The following SCML4 variants were observed in gnomAD, a reference collection of about 807,000 sequenced individuals.
SCML4 encodes the protein sex comb on midleg-like protein 4.
A neutral mutation model predicts 41.1 loss-of-function variants in SCML4; 34 were observed. The ratio of observed to expected loss-of-function variants is 0.83; its 90% CI spans 0.63 to 1.10. SCML4 has a LOEUF of 1.10. Among genes scored for constraint, SCML4 ranks in the 50% least tolerant of loss-of-function variants. The pLI, the probability that SCML4 is intolerant of heterozygous loss-of-function variation, is 0.00. For missense variants in SCML4, 522 were observed against 534.1 expected (o/e 0.98, Z 0.22); for synonymous variants, 214 against 220.9 (o/e 0.97, Z 0.28).
the SCML4 span, among the ~76,000 whole-genome samples, chr6:107,835,222 GTGGTGGC>G: frequency 6.6e-6 from 1 of 151,882 alleles, no homozygotes; most frequent in South Asian, 2.1e-4. Context: ...TTAGCTGGGA[GTGGTGGC>G]ATGTGCCTGT....
At chr6:107,713,565 T>C (rs999401755) in intron 6 of SCML4, among the ~76,000 whole-genome samples, 1 of 152,234 alleles carries the variant, frequency 6.6e-6, no homozygotes, top group Admixed American at 6.5e-5. Flanking sequence ...ATTGTCTTCA[T>C]CTATAAATTG....
At chr6:107,826,426 A>G (rs2114329349), upstream of SCML4, among the ~76,000 whole-genome samples, 1 of 152,288 alleles carries the variant, frequency 6.6e-6, no homozygotes, top group East Asian at 1.9e-4. Context: ...ATGCCACACT[A>G]CACTGAGCTT....
chr6:107,747,452 A>G (rs946983260), intron 3 of SCML4, among the ~76,000 whole-genome samples: 1 of 152,116 alleles, frequency 6.6e-6, no homozygotes, highest in African/African-American at 2.4e-5. Flanking sequence ...CCACACTTTT[A>G]AGGTAACAGA....
chr6:107,784,020 A>C (rs1781696857), intron 1 of SCML4, among the ~76,000 whole-genome samples: 1 of 152,156 alleles, frequency 6.6e-6, no homozygotes, highest in Non-Finnish European at 1.5e-5. Context: ...ACAGTGGCTG[A>C]GTGCCCAGTC....
chr6:107,752,866 T>C (rs901489499), intron 2 of SCML4, among the ~76,000 whole-genome samples: 31 of 151,916 alleles, frequency 2.0e-4, no homozygotes, highest in African/African-American at 7.2e-4. Context: ...GAGCCAATGG[T>C]GAAAATAAAG....
At chr6:107,832,271 T>C in the SCML4 span, among the ~76,000 whole-genome samples, 8 of 152,178 alleles carry the variant, frequency 5.3e-5, no homozygotes, top group East Asian at 1.3e-3. Context: ...GGGCATTCAT[T>C]AGCAGGGAGT....
intron 1 of SCML4, among the ~76,000 whole-genome samples, chr6:107,778,271 A>C (rs1781197036): frequency 7.5e-6 from 1 of 133,038 alleles, no homozygotes; most frequent in African/African-American, 2.9e-5. Flanking sequence ...ATATAACTTG[A>C]GAATGCCCAG....
chr6:107,822,857 G>T (rs1402769291), intron 1 of SCML4, among the ~76,000 whole-genome samples: 2 of 152,046 alleles, frequency 1.3e-5, no homozygotes, highest in East Asian at 1.9e-4. Context: ...TCACCCAGCT[G>T]CTGTTGCTCA....
At chr6:107,781,090 G>A (rs990939958) in intron 1 of SCML4, among the ~76,000 whole-genome samples, 2 of 152,102 alleles carry the variant, frequency 1.3e-5, no homozygotes, top group East Asian at 1.9e-4. Flanking sequence ...GAGAGCTTAC[G>A]TATAGGTATT....
the SCML4 span, among the ~76,000 whole-genome samples, chr6:107,837,214 T>A: frequency 3.3e-5 from 5 of 152,178 alleles, no homozygotes; most frequent in African/African-American, 4.8e-5. Flanking sequence ...AGGATCTGCA[T>A]TGAGAGGCAA....
intron 5 of SCML4, among the ~76,000 whole-genome samples, chr6:107,735,749 A>G (rs543008251): frequency 1.3e-5 from 2 of 151,650 alleles, no homozygotes; most frequent in East Asian, 3.9e-4. Flanking sequence ...CTGTGAGCCG[A>G]GATCACGCCA....
At chr6:107,774,093 G>C (rs1434366045) in intron 1 of SCML4, among the ~76,000 whole-genome samples, 1 of 152,142 alleles carries the variant, frequency 6.6e-6, no homozygotes, top group Non-Finnish European at 1.5e-5. Flanking sequence ...GAATTTTAAA[G>C]TATAAATTTA....
intron 5 of SCML4, among the ~76,000 whole-genome samples, chr6:107,722,672 A>C (rs1333658759): frequency 6.6e-6 from 1 of 152,264 alleles, no homozygotes; most frequent in Non-Finnish European, 1.5e-5. Flanking sequence ...TCCACAATGT[A>C]GGAAGATTAT....
the SCML4 span, among the ~76,000 whole-genome samples, chr6:107,840,056 C>T: frequency 7.2e-5 from 11 of 152,172 alleles, no homozygotes; most frequent in Admixed American, 6.5e-4. Flanking sequence ...TATGAAAATC[C>T]TTAATCATGG....
chr6:107,802,935 G>T (rs189101816), intron 1 of SCML4, among the ~76,000 whole-genome samples: 3,441 of 151,822 alleles, frequency 0.023, 129 homozygotes, highest in African/African-American at 0.078. Flanking sequence ...TGGTGGAGAC[G>T]GGTTTTCGCT....
At chr6:107,752,422 C>G (rs1336951901) in intron 2 of SCML4, among the ~76,000 whole-genome samples, 1 of 151,610 alleles carries the variant, frequency 6.6e-6, no homozygotes, top group Non-Finnish European at 1.5e-5. Context: ...TATGTCAGAC[C>G]ATAATAATGG....
intron 2 of SCML4, among the ~76,000 whole-genome samples, chr6:107,763,177 C>A (rs1382181560): frequency 6.6e-6 from 1 of 151,940 alleles, no homozygotes; most frequent in Non-Finnish European, 1.5e-5. Flanking sequence ...CCACAATGCC[C>A]AGCCTAGATT....
chr6:107,708,538 G>A (rs34475110), intron 6 of SCML4, among the ~76,000 whole-genome samples: 2,944 of 152,200 alleles, frequency 0.019, 84 homozygotes, highest in African/African-American at 0.067. Context: ...TCTTCTCCAC[G>A]GTATCTGCAG....
chr6:107,743,455 C>T (rs1194769263), intron 5 of SCML4, among the ~76,000 whole-genome samples: 1 of 152,188 alleles, frequency 6.6e-6, no homozygotes, highest in Non-Finnish European at 1.5e-5. Flanking sequence ...GAAGTGAAAT[C>T]ACATGATTCT....
Sources: allele counts gnomAD v4.1 joint callset (sites outside exome capture counted in the v4.1 genomes callset), GRCh38; gene constraint gnomAD v4.1.1; transcripts MANE v1.5; gene names NCBI Gene and HGNC (gene_info 2026-07-23, HGNC 2026-07-21).